BMP8B: variants seen among roughly 807,000 people sequenced by gnomAD.
BMP8B encodes bone morphogenetic protein 8b.
Under a neutral mutation model 30.3 loss-of-function variants are expected in BMP8B, and 17 were observed. That is an observed-to-expected ratio of 0.56 (90% CI 0.38 to 0.84). The LOEUF (loss-of-function observed/expected upper bound fraction) is 0.84, where lower values mean the gene tolerates loss of function less well. Among genes scored for constraint, BMP8B ranks in the 40% least tolerant of loss-of-function variants. The probability of loss-of-function intolerance (pLI) is 0.00; values close to 1 mark genes in which losing one functional copy is unlikely to be tolerated. For missense variants in BMP8B, 253 were observed against 494.6 expected, an observed-to-expected ratio of 0.51 and a Z score of 4.63; for synonymous variants, 131 against 214.7, an observed-to-expected ratio of 0.61 and a Z score of 3.41.
intron 5 of BMP8B, 40 bp from the exon 6 acceptor site, chr1:39,763,242 C>T: frequency 1.9e-6 from 3 of 1,549,630 alleles, no homozygotes; most frequent in Non-Finnish European, 1.8e-6. Context: ...TCCATGTGCC[C>T]CTCCCTGAGC....
At chr1:39,787,503 A>T (rs896465711) in intron 1 of BMP8B, among the ~76,000 whole-genome samples, 1 of 152,194 alleles carries the variant, frequency 6.6e-6, no homozygotes, top group Non-Finnish European at 1.5e-5. Flanking sequence ...CTGGGAGAAC[A>T]AAGTGGGTCC....
At chr1:39,783,968 C>T (rs1453346593) in intron 1 of BMP8B, among the ~76,000 whole-genome samples, 11 of 152,196 alleles carry the variant, frequency 7.2e-5, no homozygotes, top group African/African-American at 2.4e-4. Flanking sequence ...CGTTCCCATT[C>T]AACACAGTCC....
At position 39,760,363 on chromosome 1, in the gene BMP8B, C is replaced by T. The variant is rs1569757018; in HGVS notation, c.*56G>A. ...GGCTGGGTTTGAGGGTTTCCTGCTT[C>T]TGAGGGGCCCGATCCAGATGAGAAG... On this transcript the variant is annotated 3_prime_UTR_variant, in exon 7 of 7. Transcript: ENST00000372827. 6.2e-7 allele frequency: 1 copy of T among 1,604,900 alleles called. No homozygotes were observed. The highest frequency in any genetic ancestry group is 2.2e-5 in the East Asian group (1 of 44,808).
intron 3 of BMP8B, among the ~76,000 whole-genome samples, chr1:39,767,060 C>T (rs1649666353): frequency 6.6e-6 from 1 of 152,234 alleles, no homozygotes. Context: ...TCACTATTTG[C>T]TTCTGTGCAG....
rs1168668513 is a variant in BMP8B at position 39,765,504 on chromosome 1, C to T, written c.674-687G>A. ...ATTCCAGAGCCCGAGTTCTTATGCA[C>T]GAGCTGGGCTTATGGACAGAAAAGA... On this transcript the variant is annotated intron_variant, in intron 3 of 6. Coordinates refer to ENST00000372827, the MANE Select transcript of BMP8B (RefSeq NM_001720.5). 8.8e-5 allele frequency among the ~76,000 whole-genome samples: 9 copies of T among 101,818 alleles called. No homozygotes were observed. The South Asian group carries it at 1.9e-3, about 22-fold the overall frequency. 66.8% of individuals were successfully genotyped at this position (101,818 alleles called of 152,430 possible). A position where few individuals can be genotyped will look rare whatever the true frequency, so the allele number is the denominator to read the frequency against.
rs755067981 is a variant in BMP8B at position 39,763,723 on chromosome 1, G to C, written c.937C>G (p.Leu313Val). The C allele has an allele frequency of 2.9e-5, 46 of 1,601,182 alleles. No homozygotes were observed. The South Asian group carries it at 5.1e-4, about 18-fold the overall frequency. ...RHELYVSFQD[L>V]GWLDWVIAPQ... Reference sequence around the variant, plus strand: ...GAGTCAGCAATTACCAGCCAGCCGAGGTCCTGGAAGCTGACGTAGAGCTCG... The same window carrying C: ...GAGTCAGCAATTACCAGCCAGCCGACGTCCTGGAAGCTGACGTAGAGCTCG... Residue 313 changes from leucine (L) to valine (V), a missense_variant, in exon 5 of 7, where the codon CTC becomes GTC. By Grantham distance (32) the Leu-to-Val change is conservative. Coordinates refer to ENST00000372827, the MANE Select transcript of BMP8B (RefSeq NM_001720.5).
intron 1 of BMP8B, among the ~76,000 whole-genome samples, chr1:39,777,980 C>T (rs1395006581): frequency 6.6e-6 from 1 of 152,248 alleles, no homozygotes; most frequent in East Asian, 1.9e-4. Flanking sequence ...TCCCGGCCCC[C>T]ATGCCAGGGC....
At chr1:39,782,749 G>A (rs150569757) in intron 1 of BMP8B, among the ~76,000 whole-genome samples, 117 of 151,926 alleles carry the variant, frequency 7.7e-4, no homozygotes, top group African/African-American at 2.6e-3. Context: ...GATTACAGAC[G>A]TGAGCTTCCG....
At chr1:39,783,371 G>T (rs931050398) in intron 1 of BMP8B, among the ~76,000 whole-genome samples, 5 of 152,184 alleles carry the variant, frequency 3.3e-5, no homozygotes, top group African/African-American at 1.2e-4. Flanking sequence ...TTACTCAGGG[G>T]TGAGAAAACA....
Position 39,763,852 on chromosome 1 carries a change from G to T in BMP8B, c.869-61C>A, listed in dbSNP as rs931660797. ...TTCCTACTGTGTGCAGCTACTATGGGGTACCAGGGTGGGGGATGCCCTGAT... is the reference window on the plus strand; with the variant it reads ...TTCCTACTGTGTGCAGCTACTATGGTGTACCAGGGTGGGGGATGCCCTGAT... On this transcript the variant is annotated intron_variant, in intron 4 of 6. Transcript: ENST00000372827. 3.8e-5 allele frequency: 59 copies of T among 1,549,040 alleles called. 2 individuals carry two copies. The highest frequency in any genetic ancestry group is 5.4e-5 in the Admixed American group (3 of 55,596).
At chr1:39,776,965 A>G (rs1457355753) in intron 1 of BMP8B, among the ~76,000 whole-genome samples, 3 of 152,208 alleles carry the variant, frequency 2.0e-5, no homozygotes, top group African/African-American at 7.2e-5. Context: ...TGTAAATGCT[A>G]TGAAGGAAAC....
At chr1:39,777,719 T>G (rs1650325006) in intron 1 of BMP8B, among the ~76,000 whole-genome samples, 1 of 152,226 alleles carries the variant, frequency 6.6e-6, no homozygotes, top group African/African-American at 2.4e-5. Context: ...AGCAGAATCT[T>G]GTGGCCTGTG....
At chr1:39,762,088 G>A (rs1234219440) in intron 6 of BMP8B, among the ~76,000 whole-genome samples, 1 of 152,186 alleles carries the variant, frequency 6.6e-6, no homozygotes, top group Non-Finnish European at 1.5e-5. Flanking sequence ...ATCATCCCTG[G>A]GCCTTTCCAA....
intron 1 of BMP8B, among the ~76,000 whole-genome samples, chr1:39,785,524 C>T (rs867580098): frequency 1.3e-5 from 2 of 152,234 alleles, no homozygotes; most frequent in Non-Finnish European, 2.9e-5. Flanking sequence ...GAGCCCCGCC[C>T]CCTGGGTCCC....
At chr1:39,781,892 C>T (rs139740646) in intron 1 of BMP8B, among the ~76,000 whole-genome samples, 1 of 152,260 alleles carries the variant, frequency 6.6e-6, no homozygotes, top group African/African-American at 2.4e-5. Flanking sequence ...CGTGGTGGCT[C>T]TCGCCTGTAA....
At chr1:39,760,964 A>ACC (rs1305439348) in intron 6 of BMP8B, among the ~76,000 whole-genome samples, 1 of 151,756 alleles carries the variant, frequency 6.6e-6, no homozygotes, top group Non-Finnish European at 1.5e-5. Context: ...GGCCCTTCGG[A>ACC]CCCCCAGAGG....
Position 39,788,493 on chromosome 1 carries a change from C to CG in BMP8B, c.-9dup. 9.9e-7 allele frequency: 1 copy of CG among 1,012,414 alleles called. No individual in the cohort carries two copies. The highest frequency in any genetic ancestry group is 1.2e-6 in the Non-Finnish European group (1 of 849,338). The allele number at this position is 1,012,414 out of a possible 1,614,324, so 62.7% of individuals were successfully genotyped here. A position where few individuals can be genotyped will look rare whatever the true frequency, so the allele number is the denominator to read the frequency against. ...GCCGGGGAGCGCGGTCATGGCAGGCCGGGGGCGCTCAGCTGGGGCGCTCAG... is the reference window on the plus strand; with the variant it reads ...GCCGGGGAGCGCGGTCATGGCAGGCCGGGGGGCGCTCAGCTGGGGCGCTCAG... On this transcript the variant is annotated 5_prime_UTR_variant, in exon 1 of 7. Transcript: ENST00000372827. The surrounding 1 kb of genome is among the most constrained non-coding windows in gnomAD (Gnocchi z 5.8).
chr1:39,759,958 G>A lies in BMP8B; in HGVS notation c.*461C>T, dbSNP rs1329002201. ...CCACCTTGCACCTCGGGCAGGCAATGGGGAGCCAACCAGACCCTGACTACA... is the reference window on the plus strand; with the variant it reads ...CCACCTTGCACCTCGGGCAGGCAATAGGGAGCCAACCAGACCCTGACTACA... On this transcript the variant is annotated 3_prime_UTR_variant, in exon 7 of 7. Transcript: ENST00000372827. 1 of 174,582 alleles carries A rather than the reference G, an allele frequency of 5.7e-6. No individual in the cohort carries two copies. Among genetic ancestry groups the A allele is most frequent in the Non-Finnish European group, 1.2e-5 (1 of 81,848 alleles). The allele number at this position is 174,582 out of a possible 1,614,324, so 10.8% of individuals were successfully genotyped here.
intron 1 of BMP8B, among the ~76,000 whole-genome samples, chr1:39,778,484 G>A (rs950602342): frequency 6.6e-6 from 1 of 151,198 alleles, no homozygotes; most frequent in South Asian, 2.1e-4. Flanking sequence ...TTGGTTCTGC[G>A]TCCTGAAGGG....
Sources: allele counts gnomAD v4.1 joint callset (sites outside exome capture counted in the v4.1 genomes callset), GRCh38; gene constraint gnomAD v4.1.1; non-coding constraint Gnocchi (gnomAD v3.1); transcripts MANE v1.5; gene names NCBI Gene and HGNC (gene_info 2026-07-23, HGNC 2026-07-21).